The following RPS6KC1 variants were observed in gnomAD, a reference collection of about 807,000 sequenced individuals.
RPS6KC1 encodes the protein inactive ribosomal protein S6 kinase delta-1.
In RPS6KC1, 54 loss-of-function variants were observed where a neutral mutation model predicts 103.8. The observed-to-expected ratio is 0.52, with a 90% CI of 0.42 to 0.65. The LOEUF is 0.65. RPS6KC1 is among the 30% of genes least tolerant of loss of function. The pLI, the probability that RPS6KC1 is intolerant of heterozygous loss-of-function variation, is 0.00. For synonymous variants in RPS6KC1, 439 were observed against 438.7 expected, an observed-to-expected ratio of 1.00 and a Z score of -0.01; for missense variants, 1,151 against 1,253.8, an observed-to-expected ratio of 0.92 and a Z score of 1.24.
At chr1:213,219,640 A>C (rs1179247813) in intron 8 of RPS6KC1, among the ~76,000 whole-genome samples, 1 of 152,210 alleles carries the variant, frequency 6.6e-6, no homozygotes, top group Non-Finnish European at 1.5e-5. Context: ...CTGGATTAAG[A>C]AAATGTGGCA....
the RPS6KC1 span, among the ~76,000 whole-genome samples, chr1:213,404,917 G>C: frequency 6.6e-6 from 1 of 152,222 alleles, no homozygotes; most frequent in Non-Finnish European, 1.5e-5. Context: ...AACCTCCATA[G>C]GGGTGACTCT....
intron 8 of RPS6KC1, among the ~76,000 whole-genome samples, chr1:213,214,313 G>A (rs2093600479): frequency 6.6e-6 from 1 of 152,272 alleles, no homozygotes; most frequent in African/African-American, 2.4e-5. Flanking sequence ...CTGCAAGGCG[G>A]CAGCGAGGCT....
At chr1:213,052,506 A>G (rs1213991602) in intron 1 of RPS6KC1, among the ~76,000 whole-genome samples, 2 of 152,204 alleles carry the variant, frequency 1.3e-5, no homozygotes, top group East Asian at 1.9e-4. Flanking sequence ...CAGTAGTTCA[A>G]TATACATTTG....
the RPS6KC1 span, among the ~76,000 whole-genome samples, chr1:213,687,114 C>A: frequency 6.6e-6 from 1 of 152,186 alleles, no homozygotes. Flanking sequence ...TTACCGCATC[C>A]TGTTTTATCA....
At chr1:213,413,708 G>A in the RPS6KC1 span, among the ~76,000 whole-genome samples, 2 of 152,184 alleles carry the variant, frequency 1.3e-5, no homozygotes, top group Non-Finnish European at 2.9e-5. Flanking sequence ...TATCTTTTAT[G>A]ATCTAGCTTC....
At chr1:213,138,251 T>C (rs2086610719) in intron 6 of RPS6KC1, among the ~76,000 whole-genome samples, 1 of 152,228 alleles carries the variant, frequency 6.6e-6, no homozygotes, top group South Asian at 2.1e-4. Flanking sequence ...TTACCTTGTT[T>C]TGTTGTACTT....
intron 12 of RPS6KC1, among the ~76,000 whole-genome samples, chr1:213,249,555 G>C (rs2094508639): frequency 6.6e-6 from 1 of 152,188 alleles, no homozygotes; most frequent in Non-Finnish European, 1.5e-5. Flanking sequence ...AGAGAGCTAT[G>C]CCTGTCATTC....
the RPS6KC1 span, among the ~76,000 whole-genome samples, chr1:213,667,183 A>G: frequency 6.6e-6 from 1 of 151,410 alleles, no homozygotes; most frequent in Non-Finnish European, 1.5e-5. Context: ...TGAGTAAAAT[A>G]CAAAAGAAAA....
the RPS6KC1 span, among the ~76,000 whole-genome samples, chr1:213,529,720 C>T: frequency 6.6e-6 from 1 of 152,314 alleles, no homozygotes; most frequent in Admixed American, 6.5e-5. Flanking sequence ...GGCATCTTGA[C>T]TCCAGGGCTT....
At chr1:213,556,798 A>G in the RPS6KC1 span, among the ~76,000 whole-genome samples, 1 of 152,324 alleles carries the variant, frequency 6.6e-6, no homozygotes, top group African/African-American at 2.4e-5. Context: ...AAGCACACAC[A>G]AAGTTCTTTG....
the RPS6KC1 span, among the ~76,000 whole-genome samples, chr1:213,709,476 TTTC>T: frequency 3.6e-4 from 55 of 152,084 alleles, no homozygotes; most frequent in East Asian, 1.4e-3. Flanking sequence ...TTCTATCTAT[TTTC>T]TTAATCTTTT....
chr1:213,629,127 C>A, the RPS6KC1 span, among the ~76,000 whole-genome samples: 1 of 152,164 alleles, frequency 6.6e-6, no homozygotes, highest in Non-Finnish European at 1.5e-5. Flanking sequence ...AGTTCAATTC[C>A]TGGGTATCCT....
At chr1:213,354,948 T>A in the RPS6KC1 span, among the ~76,000 whole-genome samples, 1 of 152,184 alleles carries the variant, frequency 6.6e-6, no homozygotes. Context: ...CTGGGTGCAG[T>A]GGCTCACACC....
the RPS6KC1 span, among the ~76,000 whole-genome samples, chr1:213,569,176 C>T: frequency 1.7e-4 from 26 of 152,228 alleles, no homozygotes; most frequent in African/African-American, 6.0e-4. Flanking sequence ...ATTTGATGCC[C>T]GGGTCTTTGC....
chr1:213,425,105 G>A, the RPS6KC1 span, among the ~76,000 whole-genome samples: 3 of 152,040 alleles, frequency 2.0e-5, no homozygotes, highest in Admixed American at 1.3e-4. Context: ...ATGGCCGCCC[G>A]CTCACCCATT....
At chr1:213,161,882 A>G (rs2090504883) in intron 6 of RPS6KC1, among the ~76,000 whole-genome samples, 1 of 152,188 alleles carries the variant, frequency 6.6e-6, no homozygotes, top group Non-Finnish European at 1.5e-5. Flanking sequence ...CAAGAAAACA[A>G]TTATTGGACT....
chr1:213,369,917 C>T, the RPS6KC1 span, among the ~76,000 whole-genome samples: 1 of 151,954 alleles, frequency 6.6e-6, no homozygotes, highest in Non-Finnish European at 1.5e-5. Flanking sequence ...GAAGATGCCA[C>T]AGTGGTCCAG....
chr1:213,507,615 C>T, the RPS6KC1 span, among the ~76,000 whole-genome samples: 1 of 151,198 alleles, frequency 6.6e-6, no homozygotes, highest in Non-Finnish European at 1.5e-5. Flanking sequence ...CCATCCACCG[C>T]TCAGAGCCCT....
the RPS6KC1 span, among the ~76,000 whole-genome samples, chr1:213,474,533 G>A: frequency 2.0e-5 from 3 of 152,174 alleles, no homozygotes; most frequent in Admixed American, 6.5e-5. Context: ...GCAGGCTGAA[G>A]GGGACCTTTC....
Sources: gnomAD v4.1 joint callset for allele counts (sites outside exome capture counted in the v4.1 genomes callset) on GRCh38, gnomAD v4.1.1 for gene constraint, MANE v1.5 for transcripts, NCBI Gene and HGNC (gene_info 2026-07-23, HGNC 2026-07-21) for gene names.